Variants in NPAS3 observed in about 807,000 individuals in gnomAD.
The protein encoded by NPAS3 is neuronal PAS domain protein 3.
NPAS3 carries 14 observed loss-of-function variants against 73.1 expected under a neutral mutation model. That is an observed-to-expected ratio of 0.19 (90% CI 0.13 to 0.30). NPAS3 has a LOEUF of 0.30. NPAS3 is among the 10% of genes least tolerant of loss of function. The pLI is 1.00. For missense variants in NPAS3, 1,096 were observed against 1,250.0 expected (o/e 0.88, Z 1.86); for synonymous variants, 620 against 541.5 (o/e 1.14, Z -2.01).
At chr14:33,380,257 G>A (rs1446492904) in intron 4 of NPAS3, among the ~76,000 whole-genome samples, 2 of 151,884 alleles carry the variant, frequency 1.3e-5, no homozygotes, top group Non-Finnish European at 2.9e-5. Flanking sequence ...TTCTGAGCCT[G>A]GCCTGGGTAA....
chr14:33,639,125 C>A (rs553446170), intron 5 of NPAS3, among the ~76,000 whole-genome samples: 1 of 152,294 alleles, frequency 6.6e-6, no homozygotes, highest in East Asian at 1.9e-4. Context: ...ACCTTAGAGT[C>A]AGGCTTTTTG....
intron 1 of NPAS3, among the ~76,000 whole-genome samples, chr14:32,978,531 T>G (rs951207102): frequency 2.0e-5 from 3 of 152,034 alleles, no homozygotes; most frequent in Non-Finnish European, 2.9e-5. Context: ...AGTTTTTTTT[T>G]TGTGGATTGG....
chr14:33,363,138 A>G (rs2045683165), intron 3 of NPAS3, among the ~76,000 whole-genome samples: 1 of 152,156 alleles, frequency 6.6e-6, no homozygotes, highest in Non-Finnish European at 1.5e-5. Context: ...TTTCGGCTGA[A>G]TAGGTCAAAC....
At chr14:33,645,225 T>C (rs1246600133) in intron 5 of NPAS3, among the ~76,000 whole-genome samples, 1 of 152,196 alleles carries the variant, frequency 6.6e-6, no homozygotes, top group Non-Finnish European at 1.5e-5. Flanking sequence ...GGGTACCTGA[T>C]ACTTAGTTCC....
chr14:33,463,035 T>C (rs1199621991), intron 4 of NPAS3, among the ~76,000 whole-genome samples: 1 of 152,192 alleles, frequency 6.6e-6, no homozygotes, highest in Non-Finnish European at 1.5e-5. Flanking sequence ...TTATATTTCT[T>C]ATTGAGCTCA....
rs921784598 is a variant in NPAS3 at position 33,079,244 on chromosome 14, T to TCA, written c.140+23251_140+23252insAC. ...CTTTCCTCCTCCATGTAGAACTCTT[T>TCA]CTCTCTCTCTGTCTTCCATACAGAT... On this transcript the variant is annotated intron_variant, in intron 2 of 11. Coordinates refer to ENST00000356141, the Ensembl canonical transcript of NPAS3. 2.0e-5 allele frequency among the ~76,000 whole-genome samples: 3 copies of TCA among 152,158 alleles called. No homozygotes were observed. In the South Asian group the frequency reaches 6.2e-4, roughly 32 times the overall value.
intron 6 of NPAS3, among the ~76,000 whole-genome samples, chr14:33,716,535 A>G (rs1407215862): frequency 6.6e-6 from 1 of 152,186 alleles, no homozygotes; most frequent in African/African-American, 2.4e-5. Context: ...CATTAAGTAC[A>G]TTCACATTGT....
intron 4 of NPAS3, among the ~76,000 whole-genome samples, chr14:33,410,342 C>G (rs2047867126): frequency 1.3e-5 from 2 of 152,150 alleles, no homozygotes; most frequent in Non-Finnish European, 1.5e-5. Context: ...TTCATCTGTT[C>G]TTTCCATATC....
Position 33,591,406 on chromosome 14 carries a change from T to C in NPAS3, c.558+31196T>C, listed in dbSNP as rs780492946. On this transcript the variant is annotated intron_variant, in intron 5 of 11. Transcript: ENST00000356141. The stretch of plus-strand genomic sequence containing the variant: ...GTTGGACTAGAGAGTGGAAAAGCCA[T>C]TTGTCTTGGGAAGTGCAGAGACCAT... Among the ~76,000 whole-genome samples the C allele has an allele frequency of 5.8e-4, 89 of 152,148 alleles. 1 individual carries two copies. Among genetic ancestry groups the C allele is most frequent in the Non-Finnish European group, 1.0e-3 (68 of 68,028 alleles).
intron 5 of NPAS3, 69 bp from the exon 6 acceptor site, chr14:33,676,142 T>C (rs1241629408): frequency 2.0e-6 from 3 of 1,474,328 alleles, no homozygotes; most frequent in Admixed American, 3.7e-5. Flanking sequence ...TCTGAATCAC[T>C]GTGTTGAATT....
intron 3 of NPAS3, among the ~76,000 whole-genome samples, chr14:33,223,351 T>C (rs1003263086): frequency 4.6e-5 from 7 of 151,972 alleles, no homozygotes; most frequent in Admixed American, 1.3e-4. Context: ...AAACCATGAG[T>C]ATTCTGGGTG....
At chr14:33,186,960 C>T (rs1414206531) in intron 2 of NPAS3, among the ~76,000 whole-genome samples, 2 of 152,144 alleles carry the variant, frequency 1.3e-5, no homozygotes, top group African/African-American at 4.8e-5. Flanking sequence ...CAGAAATGCT[C>T]CCACAACAGA....
At chr14:33,637,208 T>C (rs1166882481) in intron 5 of NPAS3, among the ~76,000 whole-genome samples, 2 of 152,178 alleles carry the variant, frequency 1.3e-5, no homozygotes, top group African/African-American at 4.8e-5. Context: ...ATCTTTTTCA[T>C]TGAAAATTAG....
chr14:33,198,051 T>C (rs2046443767), intron 2 of NPAS3, among the ~76,000 whole-genome samples: 1 of 149,174 alleles, frequency 6.7e-6, no homozygotes, highest in Admixed American at 6.8e-5. Context: ...AGGCAGTGCG[T>C]CTAGAGTTGT....
intron 5 of NPAS3, among the ~76,000 whole-genome samples, chr14:33,576,367 C>T (rs931057867): frequency 7.2e-5 from 11 of 152,158 alleles, no homozygotes; most frequent in Admixed American, 5.2e-4. Flanking sequence ...ACCCAAACTA[C>T]GGACTGTAAT....
intron 2 of NPAS3, among the ~76,000 whole-genome samples, chr14:33,177,263 A>C (rs561730956): frequency 8.8e-4 from 133 of 151,650 alleles, no homozygotes; most frequent in Non-Finnish European, 1.6e-3. Context: ...TGTCCGGCTA[A>C]TTTTTTGTAT....
chr14:33,783,097 G>GT (rs369857922), intron 9 of NPAS3, among the ~76,000 whole-genome samples: 55 of 152,234 alleles, frequency 3.6e-4, no homozygotes, highest in African/African-American at 1.3e-3. Context: ...ATCAATCAAA[G>GT]TAAGTGCCCT....
chr14:33,541,096 G>GGTGTGTGT (rs140503260), intron 4 of NPAS3, among the ~76,000 whole-genome samples: 7,094 of 142,744 alleles, frequency 0.05, 190 homozygotes, highest in Non-Finnish European at 0.056. Flanking sequence ...TATGTTTAGA[G>GGTGTGTGT]GTGTGTGTGT....
rs796210788 is a variant in NPAS3 at position 33,760,291 on chromosome 14, G to A, written c.853-14046G>A. The stretch of plus-strand genomic sequence containing the variant: ...CTACCTGGCTTTCCCAATTTTACTC[G>A]GGGCCCCAGAGCAGCCATTTAAATC... On this transcript the variant is annotated intron_variant, in intron 7 of 11. Transcript: ENST00000356141. Among the ~76,000 whole-genome samples, 6 of 152,054 alleles carry A rather than the reference G, an allele frequency of 3.9e-5. No homozygotes were observed. The South Asian group carries it at 8.3e-4, about 21-fold the overall frequency.
Sources: allele counts gnomAD v4.1 joint callset (sites outside exome capture counted in the v4.1 genomes callset), GRCh38; gene constraint gnomAD v4.1.1; transcripts MANE v1.5; gene names NCBI Gene and HGNC (gene_info 2026-07-23, HGNC 2026-07-21).